Variants in MEGF6 observed in about 807,000 individuals in gnomAD.
MEGF6 encodes multiple epidermal growth factor-like domains protein 6.
Under a neutral mutation model 207.1 loss-of-function variants are expected in MEGF6, and 184 were observed. That is an observed-to-expected ratio of 0.89 (90% confidence interval 0.79 to 1.00). The LOEUF (loss-of-function observed/expected upper bound fraction) is 1.00, where lower values mean the gene tolerates loss of function less well. MEGF6 is among the 50% of genes least tolerant of loss of function. MEGF6 has a pLI of 0.00. For missense variants in MEGF6, 2,282 were observed against 2,202.9 expected, an observed-to-expected ratio of 1.04 and a Z score of -0.72; for synonymous variants, 1,038 against 910.0, an observed-to-expected ratio of 1.14 and a Z score of -2.53.
At chr1:3,502,013 C>CCACGCCTCCTCACA in intron 17 of MEGF6, 92 bp from the exon 18 acceptor site, 1 of 1,530,630 alleles carries the variant, frequency 6.5e-7, no homozygotes, top group Non-Finnish European at 8.8e-7. Flanking sequence ...AGTGTGCCCC[C>CCACGCCTCCTCACA]TGTGCCTCAC....
Position 3,531,435 on chromosome 1 carries a change from G to A in MEGF6, c.482-7189C>T, listed in dbSNP as rs539193695. ...CTGGGCCGGGCGCGCCCCGCCCCTC[G>A]CCTTTAAGTTCTCAGCTTTCCCTCC... On this transcript the variant is annotated intron_variant, in intron 4 of 36. Coordinates refer to ENST00000356575, the MANE Select transcript of MEGF6 (RefSeq NM_001409.4). The A allele has an allele frequency of 3.5e-5, 39 of 1,118,008 alleles. No homozygotes were observed. The African/African-American group carries it at 6.4e-4, about 18-fold the overall frequency. The allele number at this position is 1,118,008 out of a possible 1,614,324, so 69.3% of individuals were successfully genotyped here. A position where few individuals can be genotyped will look rare whatever the true frequency, so the allele number is the denominator to read the frequency against.
chr1:3,544,201 C>A (rs183560694), intron 4 of MEGF6, among the ~76,000 whole-genome samples: 100 of 149,694 alleles, frequency 6.7e-4, no homozygotes, highest in Middle Eastern at 3.5e-3. Context: ...CCTCTCCCCC[C>A]AGCGTCGCAG....
intron 4 of MEGF6, among the ~76,000 whole-genome samples, chr1:3,539,428 C>T (rs932433195): frequency 6.6e-5 from 10 of 152,048 alleles, no homozygotes; most frequent in Admixed American, 2.0e-4. Flanking sequence ...CCTAGGAACA[C>T]GGCCCCACCT....
chr1:3,528,388 G>A (rs968480602), intron 4 of MEGF6, among the ~76,000 whole-genome samples: 6 of 152,242 alleles, frequency 3.9e-5, no homozygotes, highest in African/African-American at 1.4e-4. Context: ...CTGAGCCGGT[G>A]ACCCTGGCTG....
intron 17 of MEGF6, 31 bp from the exon 18 acceptor site, chr1:3,501,952 G>C (rs373654270): frequency 2.9e-5 from 43 of 1,476,522 alleles, no homozygotes; most frequent in Non-Finnish European, 3.4e-5. Flanking sequence ...GGCCTTAGCC[G>C]CACCACGTGG....
intron 4 of MEGF6, among the ~76,000 whole-genome samples, chr1:3,547,649 T>G (rs1410215619): frequency 6.6e-6 from 1 of 152,182 alleles, no homozygotes; most frequent in Non-Finnish European, 1.5e-5. Context: ...GGGGATCACG[T>G]GGCATCTGAG....
chr1:3,541,959 C>T (rs1017471433), intron 4 of MEGF6, among the ~76,000 whole-genome samples: 1 of 152,256 alleles, frequency 6.6e-6, no homozygotes, highest in Non-Finnish European at 1.5e-5. Flanking sequence ...GAAAACCCAG[C>T]TCCACCCTGG....
chr1:3,549,597 CCAT>C (rs759202005), intron 4 of MEGF6, among the ~76,000 whole-genome samples: 1 of 152,204 alleles, frequency 6.6e-6, no homozygotes, highest in East Asian at 1.9e-4. Context: ...GCAGAAGGGT[CCAT>C]CAATTCACCG....
chr1:3,528,733 A>G (rs779891264), intron 4 of MEGF6, among the ~76,000 whole-genome samples: 2 of 152,124 alleles, frequency 1.3e-5, no homozygotes, highest in East Asian at 3.8e-4. Flanking sequence ...AGGAGGGGCC[A>G]CAAGACCAGG....
At chr1:3,550,511 G>T (rs756875997) in intron 4 of MEGF6, among the ~76,000 whole-genome samples, 1 of 152,120 alleles carries the variant, frequency 6.6e-6, no homozygotes, top group Admixed American at 6.5e-5. Flanking sequence ...TTTCAAAGGG[G>T]TTATTTTATG....
chr1:3,520,153 G>A (rs1365507289), intron 5 of MEGF6, among the ~76,000 whole-genome samples: 1 of 152,236 alleles, frequency 6.6e-6, no homozygotes, highest in Non-Finnish European at 1.5e-5. Context: ...AGTGACATCT[G>A]TGGCCCTCAG....
At chr1:3,605,997 T>C (rs35701577) in intron 1 of MEGF6, among the ~76,000 whole-genome samples, 27,846 of 152,212 alleles carry the variant, frequency 0.18, 3,011 homozygotes, top group East Asian at 0.37. Context: ...CACCCTGTCC[T>C]CCTCCTACTG....
chr1:3,544,640 G>GC (rs36030995), intron 4 of MEGF6, among the ~76,000 whole-genome samples: 73,806 of 152,082 alleles, frequency 0.49, 20,003 homozygotes, highest in African/African-American at 0.74. Flanking sequence ...CTGCCAGGCA[G>GC]CCCCCAGCAG....
chr1:3,623,984 T>C, the MEGF6 span, among the ~76,000 whole-genome samples: 2 of 152,206 alleles, frequency 1.3e-5, no homozygotes, highest in African/African-American at 4.8e-5. Context: ...ATCAGCTCCC[T>C]GCCCGGTTCT....
At chr1:3,540,580 C>T (rs1283343593) in intron 4 of MEGF6, among the ~76,000 whole-genome samples, 1 of 152,258 alleles carries the variant, frequency 6.6e-6, no homozygotes, top group Non-Finnish European at 1.5e-5. Flanking sequence ...ACTCCTGCTG[C>T]TCCTACAGGA....
At chr1:3,610,828 G>A (rs975535816) in intron 1 of MEGF6, among the ~76,000 whole-genome samples, 1 of 152,200 alleles carries the variant, frequency 6.6e-6, no homozygotes, top group East Asian at 1.9e-4. Flanking sequence ...GACCCTGCCC[G>A]GAAAGGGGCC....
At chr1:3,551,010 T>C (rs1034501141) in intron 4 of MEGF6, among the ~76,000 whole-genome samples, 4 of 151,970 alleles carry the variant, frequency 2.6e-5, no homozygotes, top group Admixed American at 6.5e-5. Context: ...GGCCTCGGAG[T>C]GTGAGGCAGG....
chr1:3,622,108 T>C, the MEGF6 span, among the ~76,000 whole-genome samples: 50 of 152,188 alleles, frequency 3.3e-4, no homozygotes, highest in African/African-American at 1.2e-3. Context: ...GCATGATTGG[T>C]TTTGAAATGT....
chr1:3,493,593 G>T, intron 34 of MEGF6, 178 bp downstream of exon 34: 1 of 823,252 alleles, frequency 1.2e-6, no homozygotes, highest in Non-Finnish European at 1.9e-6. Flanking sequence ...GCCATGCTTG[G>T]TACCGCATGT....
Sources: allele counts gnomAD v4.1 joint callset (sites outside exome capture counted in the v4.1 genomes callset), GRCh38; gene constraint gnomAD v4.1.1; transcripts MANE v1.5; gene names NCBI Gene and HGNC (gene_info 2026-07-23, HGNC 2026-07-21).